The following ROBO2 variants were observed in gnomAD, a reference collection of about 807,000 sequenced individuals.
ROBO2 encodes the protein roundabout homolog 2.
Under a neutral mutation model 160.8 loss-of-function variants are expected in ROBO2, and 53 were observed. That is an observed-to-expected ratio of 0.33 (90% CI 0.26 to 0.41). ROBO2 has a LOEUF of 0.41. Ranked by LOEUF, ROBO2 falls within the 10% of genes least tolerant of loss-of-function variation. ROBO2 has a pLI of 1.00. For synonymous variants in ROBO2, 664 were observed against 611.7 expected (o/e 1.09, Z -1.26); for missense variants, 1,577 against 1,722.4 (o/e 0.92, Z 1.49).
intron 2 of ROBO2, among the ~76,000 whole-genome samples, chr3:75,944,243 T>G (rs535771743): frequency 6.6e-6 from 1 of 152,220 alleles, no homozygotes; most frequent in East Asian, 1.9e-4. Flanking sequence ...CTTAAGTCCT[T>G]TATGTACAAC....
chr3:76,806,456 A>T (rs184709558), intron 2 of ROBO2, among the ~76,000 whole-genome samples: 228 of 152,028 alleles, frequency 1.5e-3, no homozygotes, highest in Admixed American at 4.1e-3. Context: ...TAGCAAACTC[A>T]TTCTGGTCAA....
At chr3:76,410,462 A>T (rs2075429817) in intron 2 of ROBO2, among the ~76,000 whole-genome samples, 3 of 152,164 alleles carry the variant, frequency 2.0e-5, no homozygotes, top group Admixed American at 2.0e-4. Flanking sequence ...TCTTAGTGGT[A>T]GGAAAATGTG....
chr3:76,470,221 T>C (rs974125503), intron 2 of ROBO2, among the ~76,000 whole-genome samples: 3 of 152,196 alleles, frequency 2.0e-5, no homozygotes, highest in African/African-American at 7.2e-5. Flanking sequence ...TTTTCCTAAA[T>C]GCAGTCCAGA....
intron 2 of ROBO2, among the ~76,000 whole-genome samples, chr3:77,350,266 G>A (rs2068175143): frequency 2.6e-5 from 4 of 151,944 alleles, no homozygotes; most frequent in Admixed American, 2.6e-4. Flanking sequence ...TGAGGTGGGA[G>A]GATTGCTTGA....
chr3:76,315,380 A>G (rs2071928527), intron 2 of ROBO2, among the ~76,000 whole-genome samples: 1 of 152,238 alleles, frequency 6.6e-6, no homozygotes, highest in African/African-American at 2.4e-5. Context: ...TGCTAAGCAA[A>G]GAAAGCCTCT....
chr3:77,281,181 C>T (rs1274710518), intron 2 of ROBO2, among the ~76,000 whole-genome samples: 1 of 152,184 alleles, frequency 6.6e-6, no homozygotes, highest in African/African-American at 2.4e-5. Context: ...AAGATGCTTG[C>T]AATTGTTCAT....
intron 2 of ROBO2, among the ~76,000 whole-genome samples, chr3:76,346,970 T>C (rs930566640): frequency 1.3e-5 from 2 of 152,136 alleles, no homozygotes; most frequent in Admixed American, 1.3e-4. Context: ...TAAGCACAGC[T>C]TGAAGAAGGT....
chr3:77,093,139 G>A (rs1304933270), intron 1 of ROBO2, among the ~76,000 whole-genome samples: 1 of 151,922 alleles, frequency 6.6e-6, no homozygotes, highest in Non-Finnish European at 1.5e-5. Context: ...CTTATCAAAC[G>A]GTATTGTGCA....
Position 77,257,254 on chromosome 3 carries a change from G to A in ROBO2, c.388+158914G>A, listed in dbSNP as rs777584196. On this transcript the variant is annotated intron_variant, in intron 2 of 25. Coordinates refer to ENST00000461745, the Ensembl canonical transcript of ROBO2. ...AGCAAGCCGTATCAGGGAAAAGACCGGCTTTCCAGCAAACAAGATATAGCC... is the reference window on the plus strand; with the variant it reads ...AGCAAGCCGTATCAGGGAAAAGACCAGCTTTCCAGCAAACAAGATATAGCC... Among the ~76,000 whole-genome samples the A allele has an allele frequency of 7.6e-4, 116 of 152,292 alleles. 1 individual carries two copies. Among genetic ancestry groups the A allele is most frequent in the Non-Finnish European group, 1.4e-3 (95 of 68,032 alleles).
At chr3:77,288,655 C>T (rs759515967) in intron 2 of ROBO2, among the ~76,000 whole-genome samples, 11 of 152,042 alleles carry the variant, frequency 7.2e-5, no homozygotes, top group Non-Finnish European at 1.6e-4. Context: ...ACAAAACACA[C>T]CCAAACAAAA....
At chr3:76,033,642 C>A (rs1313196578) in intron 2 of ROBO2, among the ~76,000 whole-genome samples, 1 of 152,154 alleles carries the variant, frequency 6.6e-6, no homozygotes, top group Admixed American at 6.5e-5. Context: ...CAAATCACAG[C>A]CATTTTATTG....
intron 2 of ROBO2, among the ~76,000 whole-genome samples, chr3:77,417,538 C>T (rs1425444292): frequency 6.6e-6 from 1 of 152,080 alleles, no homozygotes; most frequent in African/African-American, 2.4e-5. Flanking sequence ...TGCATTGTCT[C>T]AGTCATTAAT....
chr3:76,808,964 C>A (rs1007253099), intron 2 of ROBO2, among the ~76,000 whole-genome samples: 1 of 152,106 alleles, frequency 6.6e-6, no homozygotes, highest in Admixed American at 6.6e-5. Flanking sequence ...GATCTTGGCT[C>A]TCCCAATTAT....
intron 2 of ROBO2, among the ~76,000 whole-genome samples, chr3:76,706,657 A>G (rs959668375): frequency 6.6e-6 from 1 of 152,138 alleles, no homozygotes; most frequent in Non-Finnish European, 1.5e-5. Flanking sequence ...TAGACTATAA[A>G]GATATATGAT....
At chr3:76,127,793 C>G (rs2071049863) in intron 2 of ROBO2, among the ~76,000 whole-genome samples, 1 of 151,584 alleles carries the variant, frequency 6.6e-6, no homozygotes, top group Non-Finnish European at 1.5e-5. Context: ...AATAAGAAAC[C>G]TGTTTTACAA....
intron 2 of ROBO2, among the ~76,000 whole-genome samples, chr3:76,462,646 A>G (rs1295436301): frequency 2.0e-5 from 3 of 152,122 alleles, no homozygotes; most frequent in African/African-American, 7.2e-5. Flanking sequence ...ATAAAGGAAA[A>G]TACCAGAATG....
At chr3:77,142,658 G>T (rs977884588) in intron 2 of ROBO2, among the ~76,000 whole-genome samples, 18 of 152,164 alleles carry the variant, frequency 1.2e-4, no homozygotes, top group African/African-American at 4.3e-4. Context: ...ATTAATCATG[G>T]GAGGAGTTCC....
intron 2 of ROBO2, among the ~76,000 whole-genome samples, chr3:76,604,720 A>G (rs1398385593): frequency 1.3e-5 from 2 of 152,126 alleles, no homozygotes; most frequent in Admixed American, 6.5e-5. Flanking sequence ...TTTGCATGGG[A>G]GTATGTAGTA....
chr3:77,245,401 G>GA (rs2151402169), intron 2 of ROBO2, among the ~76,000 whole-genome samples: 1 of 152,286 alleles, frequency 6.6e-6, no homozygotes, highest in African/African-American at 2.4e-5. Flanking sequence ...ATTTGACTCA[G>GA]AAAACCAGGG....
Sources: allele counts gnomAD v4.1 joint callset (sites outside exome capture counted in the v4.1 genomes callset), GRCh38; gene constraint gnomAD v4.1.1; transcripts MANE v1.5; gene names NCBI Gene and HGNC (gene_info 2026-07-23, HGNC 2026-07-21).